KIAA1549L: variants seen among roughly 807,000 people sequenced by gnomAD.
KIAA1549L encodes KIAA1549 like.
A neutral mutation model predicts 160.7 loss-of-function variants in KIAA1549L; 88 were observed. The observed-to-expected ratio is 0.55, with a 90% CI of 0.46 to 0.65. The LOEUF is 0.65. KIAA1549L is among the 30% of genes least tolerant of loss of function. KIAA1549L has a pLI of 0.00. For missense variants in KIAA1549L, 2,258 were observed against 2,437.5 expected, an observed-to-expected ratio of 0.93 and a Z score of 1.55; for synonymous variants, 950 against 976.7, an observed-to-expected ratio of 0.97 and a Z score of 0.51.
At chr11:33,466,333 A>G (rs984311390) in intron 1 of KIAA1549L, among the ~76,000 whole-genome samples, 3 of 152,258 alleles carry the variant, frequency 2.0e-5, no homozygotes, top group African/African-American at 7.2e-5. Flanking sequence ...TTCTCAAAAA[A>G]AGACATTTAT....
Position 33,544,116 on chromosome 11 carries a change from A to G in KIAA1549L, c.2553A>G (p.Pro851=), listed in dbSNP as rs374613939. Residue 851 remains proline (P), a synonymous_variant, in exon 2 of 21, where the codon CCA becomes CCG. Coordinates refer to ENST00000658780, the MANE Select transcript of KIAA1549L (RefSeq NM_012194.3). ...AHPLLLTSPG[P]TSTGSLQEML... The stretch of plus-strand genomic sequence containing the variant: ...CTCTTTTGCTAACCTCACCAGGACC[A>G]ACTTCTACAGGTAGCTTGCAGGAAA... 21 of 1,614,006 alleles carry G rather than the reference A, an allele frequency of 1.3e-5. No individual in the cohort carries two copies. Among genetic ancestry groups the G allele is most frequent in the Non-Finnish European group, 1.8e-5 (21 of 1,179,896 alleles).
At chr11:33,653,394 G>A (rs1041525973) in intron 17 of KIAA1549L, among the ~76,000 whole-genome samples, 5 of 152,196 alleles carry the variant, frequency 3.3e-5, no homozygotes, top group Non-Finnish European at 7.3e-5. Flanking sequence ...TAGAAAGATA[G>A]TATTGCTGAC....
At chr11:33,663,058 T>C (rs1343189088) in intron 20 of KIAA1549L, among the ~76,000 whole-genome samples, 1 of 151,986 alleles carries the variant, frequency 6.6e-6, no homozygotes, top group Non-Finnish European at 1.5e-5. Flanking sequence ...GTGAAACGGG[T>C]GATTTATAGC....
At chr11:33,466,941 G>C (rs958953893) in intron 1 of KIAA1549L, among the ~76,000 whole-genome samples, 1 of 149,794 alleles carries the variant, frequency 6.7e-6, no homozygotes, top group South Asian at 2.2e-4. Flanking sequence ...ACACCGGGAG[G>C]GGGAACATCA....
intron 1 of KIAA1549L, among the ~76,000 whole-genome samples, chr11:33,508,315 C>G (rs2756272): frequency 0.71 from 107,948 of 152,110 alleles, 39,013 homozygotes; most frequent in African/African-American, 0.86. Context: ...TACCATCCAG[C>G]CACGGTGGCT....
chr11:33,560,643 T>A (rs1411950121), intron 7 of KIAA1549L, among the ~76,000 whole-genome samples: 1 of 152,216 alleles, frequency 6.6e-6, no homozygotes, highest in Non-Finnish European at 1.5e-5. Flanking sequence ...GTTTATTTGG[T>A]AGCCAAAGGA....
chr11:33,399,927 G>A (rs184852057), intron 1 of KIAA1549L, among the ~76,000 whole-genome samples: 7 of 152,234 alleles, frequency 4.6e-5, no homozygotes, highest in East Asian at 1.9e-4. Flanking sequence ...TTTAGCTAAC[G>A]GTGTTGTGAA....
chr11:33,476,280 G>A (rs975543869), intron 1 of KIAA1549L, among the ~76,000 whole-genome samples: 6 of 152,208 alleles, frequency 3.9e-5, no homozygotes, highest in Admixed American at 1.3e-4. Context: ...TGAATGAATG[G>A]GGGTGTGTGC....
chr11:33,560,787 A>G (rs1294266960), intron 7 of KIAA1549L, among the ~76,000 whole-genome samples: 1 of 152,180 alleles, frequency 6.6e-6, no homozygotes, highest in Admixed American at 6.5e-5. Flanking sequence ...CTGTAAATAA[A>G]CAAGATAATA....
chr11:33,638,992 G>T (rs1444638888), intron 16 of KIAA1549L, among the ~76,000 whole-genome samples: 1 of 152,040 alleles, frequency 6.6e-6, no homozygotes, highest in African/African-American at 2.4e-5. Flanking sequence ...TTCATTTGTA[G>T]GAACTATTTA....
chr11:33,443,744 T>C (rs1270428604), intron 1 of KIAA1549L, among the ~76,000 whole-genome samples: 1 of 151,624 alleles, frequency 6.6e-6, no homozygotes, highest in Non-Finnish European at 1.5e-5. Flanking sequence ...AAAAAACAAA[T>C]ATATTGAAAT....
chr11:33,577,415 G>T (rs191041706), intron 10 of KIAA1549L, among the ~76,000 whole-genome samples: 8 of 152,314 alleles, frequency 5.3e-5, no homozygotes, highest in Admixed American at 3.9e-4. Context: ...ATGCTGTCAT[G>T]GAGAGGGAGA....
chr11:33,554,368 GTT>G (rs1854575520), intron 6 of KIAA1549L, among the ~76,000 whole-genome samples: 2 of 152,202 alleles, frequency 1.3e-5, no homozygotes, highest in Non-Finnish European at 2.9e-5. Context: ...GACGTGTTTG[GTT>G]GCCAGGGACA....
At chr11:33,615,641 C>T (rs563735003) in intron 15 of KIAA1549L, among the ~76,000 whole-genome samples, 2 of 152,166 alleles carry the variant, frequency 1.3e-5, no homozygotes, top group East Asian at 3.9e-4. Flanking sequence ...GGGATGTTGC[C>T]TCCGAGACAA....
intron 1 of KIAA1549L, among the ~76,000 whole-genome samples, chr11:33,420,223 A>G (rs1404204744): frequency 7.7e-6 from 1 of 129,308 alleles, no homozygotes; most frequent in Admixed American, 8.7e-5. Context: ...TGTATCTCAA[A>G]GTTTTTTTTT....
chr11:33,452,593 G>T (rs1392438676), intron 1 of KIAA1549L, among the ~76,000 whole-genome samples: 15 of 151,930 alleles, frequency 9.9e-5, no homozygotes, highest in African/African-American at 3.4e-4. Flanking sequence ...GGGTGACAGA[G>T]TGAGACTCCA....
rs1046571390 is a variant in KIAA1549L at position 33,668,501 on chromosome 11, C to T, written c.*347C>T. 6.4e-6 allele frequency: 2 copies of T among 312,478 alleles called. No homozygotes were observed. The highest frequency in any genetic ancestry group is 4.5e-5 in the Admixed American group (1 of 22,118). The allele number at this position is 312,478 out of a possible 1,614,324, so 19.4% of individuals were successfully genotyped here. A position where few individuals can be genotyped will look rare whatever the true frequency, so the allele number is the denominator to read the frequency against. ...CCAATGCCACATTTTAATAAATCAC[C>T]GGAAGCGGGAGAATGTAGCTCTTAT... On this transcript the variant is annotated 3_prime_UTR_variant, in exon 21 of 21. Coordinates refer to ENST00000658780, the MANE Select transcript of KIAA1549L (RefSeq NM_012194.3).
chr11:33,463,788 T>C (rs1334135423), intron 1 of KIAA1549L, among the ~76,000 whole-genome samples: 3 of 152,248 alleles, frequency 2.0e-5, no homozygotes, highest in African/African-American at 7.2e-5. Flanking sequence ...ATTTAGTGGC[T>C]CAGTAGCTGC....
At chr11:33,472,727 AT>A (rs918561387) in intron 1 of KIAA1549L, among the ~76,000 whole-genome samples, 45 of 152,132 alleles carry the variant, frequency 3.0e-4, no homozygotes, top group African/African-American at 1.0e-3. Context: ...TTCAGGTCTC[AT>A]TTTTTATCTT....
Sources: gnomAD v4.1 joint callset for allele counts (sites outside exome capture counted in the v4.1 genomes callset) on GRCh38, gnomAD v4.1.1 for gene constraint, MANE v1.5 for transcripts, NCBI Gene and HGNC (gene_info 2026-07-23, HGNC 2026-07-21) for gene names.